Variants in INPP5D observed in about 807,000 individuals in gnomAD.
The protein encoded by INPP5D is inositol polyphosphate-5-phosphatase D, also known as phosphatidylinositol 3,4,5-trisphosphate 5-phosphatase 1.
Under a neutral mutation model 122.9 loss-of-function variants are expected in INPP5D, and 33 were observed. The observed-to-expected ratio is 0.27, with a 90% confidence interval of 0.20 to 0.36. The LOEUF (loss-of-function observed/expected upper bound fraction) is 0.36, where lower values mean the gene tolerates loss of function less well. Ranked by LOEUF, INPP5D falls within the 10% of genes least tolerant of loss-of-function variation. The pLI is 1.00. For missense variants in INPP5D, 1,053 were observed against 1,412.7 expected (o/e 0.75, Z 4.08); for synonymous variants, 584 against 576.2 (o/e 1.01, Z -0.19).
chr2:233,084,936 A>G (rs943338777), intron 2 of INPP5D, among the ~76,000 whole-genome samples: 1 of 152,238 alleles, frequency 6.6e-6, no homozygotes, highest in Non-Finnish European at 1.5e-5. Flanking sequence ...TTTTCTGTCT[A>G]CTGCAGAATA....
intron 5 of INPP5D, 92 bp from the exon 6 acceptor site, chr2:233,139,750 T>C: frequency 2.5e-6 from 1 of 395,162 alleles, no homozygotes; most frequent in Non-Finnish European, 4.5e-6. Context: ...GGACTGAGGG[T>C]GCCCTCATCT....
At chr2:233,086,081 T>A (rs1691823498) in intron 2 of INPP5D, among the ~76,000 whole-genome samples, 1 of 151,768 alleles carries the variant, frequency 6.6e-6, no homozygotes, top group Admixed American at 6.6e-5. Context: ...CTAGTAAAGG[T>A]CTGTTTGTCT....
intron 2 of INPP5D, among the ~76,000 whole-genome samples, chr2:233,102,308 G>A (rs780478348): frequency 3.5e-4 from 54 of 152,184 alleles, no homozygotes; most frequent in Non-Finnish European, 7.1e-4. Context: ...CCATGATGCT[G>A]TAACTGGAGC....
Position 233,105,175 on chromosome 2 carries a change from C to A in INPP5D, c.199-16932C>A, listed in dbSNP as rs1346751535. On this transcript the variant is annotated intron_variant, in intron 2 of 26. Coordinates refer to ENST00000445964, the MANE Select transcript of INPP5D (RefSeq NM_001017915.3). This position sits in a 1 kb window ranked among gnomAD's most constrained non-coding sequence, Gnocchi z 4.0. ...CAGGCTTAGGTCTTTGGCAGCAAAG[C>A]AACAGAGCCCCCAGAAGTGGGGATG... is the stretch of plus-strand genomic sequence containing the variant. 3.9e-5 allele frequency among the ~76,000 whole-genome samples: 6 copies of A among 152,194 alleles called. No individual in the cohort carries two copies. The highest frequency in any genetic ancestry group is 1.4e-4 in the African/African-American group (6 of 41,444).
intron 1 of INPP5D, among the ~76,000 whole-genome samples, chr2:233,077,293 GA>G (rs1461309344): frequency 6.6e-6 from 1 of 152,170 alleles, no homozygotes; most frequent in Non-Finnish European, 1.5e-5. Flanking sequence ...AGTGGGGAAG[GA>G]GATGTTTATT....
intron 22 of INPP5D, among the ~76,000 whole-genome samples, chr2:233,191,308 G>A (rs1695050320): frequency 6.6e-6 from 1 of 152,130 alleles, no homozygotes; most frequent in Non-Finnish European, 1.5e-5. Context: ...TATCACTATT[G>A]AGAAAAGGAT....
intron 3 of INPP5D, 102 bp downstream of exon 3, chr2:233,122,359 A>T: frequency 7.8e-7 from 1 of 1,279,204 alleles, no homozygotes; most frequent in East Asian, 2.5e-5. Flanking sequence ...TCAGAGGGAG[A>T]TTGTTGGCGT....
At chr2:233,161,913 A>G (rs1001861653) in intron 11 of INPP5D, 87 bp downstream of exon 11, 17 of 1,510,038 alleles carry the variant, frequency 1.1e-5, no homozygotes, top group Non-Finnish European at 1.5e-5. Flanking sequence ...TGGAGTGACG[A>G]CATCCATGTC....
chr2:233,175,464 T>C (rs1187031276), intron 17 of INPP5D, among the ~76,000 whole-genome samples: 2 of 152,104 alleles, frequency 1.3e-5, no homozygotes, highest in Non-Finnish European at 2.9e-5. Context: ...ATGCTCACCT[T>C]TAGGAGGCTC....
chr2:233,153,803 G>A (rs1467786965), intron 9 of INPP5D, among the ~76,000 whole-genome samples: 1 of 152,232 alleles, frequency 6.6e-6, no homozygotes, highest in Non-Finnish European at 1.5e-5. Flanking sequence ...AGGCAGGAGA[G>A]CCTACTGAAA....
chr2:233,134,554 T>G (rs540869985), intron 5 of INPP5D, among the ~76,000 whole-genome samples: 1 of 152,128 alleles, frequency 6.6e-6, no homozygotes, highest in Non-Finnish European at 1.5e-5. Flanking sequence ...GATGTCCCCG[T>G]GCGGGTCTGG....
chr2:233,182,578 A>G lies in INPP5D; in HGVS notation c.2161+79A>G. The G allele has an allele frequency of 3.8e-6, 6 of 1,587,508 alleles. No individual in the cohort carries two copies. The East Asian group carries it at 6.9e-5, about 18-fold the overall frequency. On this transcript the variant is annotated intron_variant, in intron 19 of 26. Coordinates refer to ENST00000445964, the MANE Select transcript of INPP5D (RefSeq NM_001017915.3). ...GGGAGCTTGTCTTCAGGTGGCAGTC[A>G]GTGGTCTGCATTAGAGGAAGGCTCA...
intron 4 of INPP5D, among the ~76,000 whole-genome samples, chr2:233,129,198 G>C (rs1693250229): frequency 6.6e-6 from 1 of 151,938 alleles, no homozygotes; most frequent in South Asian, 2.1e-4. Context: ...ATAAATGAAG[G>C]CTTGTAATAA....
intron 2 of INPP5D, among the ~76,000 whole-genome samples, chr2:233,084,846 C>T (rs1279886239): frequency 5.9e-5 from 9 of 152,224 alleles, no homozygotes. Context: ...GGACAATGGG[C>T]CCCAAGGGGG....
At chr2:233,144,353 G>A (rs1044993203) in intron 6 of INPP5D, among the ~76,000 whole-genome samples, 3 of 149,788 alleles carry the variant, frequency 2.0e-5, no homozygotes, top group Non-Finnish European at 4.4e-5. Flanking sequence ...GGAGATGGTG[G>A]TGGTGATGGT....
At chr2:233,156,433 G>A (rs951905990) in intron 9 of INPP5D, among the ~76,000 whole-genome samples, 1 of 152,234 alleles carries the variant, frequency 6.6e-6, no homozygotes, top group Admixed American at 6.5e-5. Context: ...GGGACTACAG[G>A]TGCCCGCCAC....
In INPP5D at chr2:233,169,262, GTCTGTTTGATATTTTGATTCTTCTT is replaced by G; in HGVS notation, c.1556-38_1556-14del. On this transcript the variant is annotated intron_variant, in intron 13 of 26. Coordinates refer to ENST00000445964, the MANE Select transcript of INPP5D (RefSeq NM_001017915.3). The stretch of plus-strand genomic sequence containing the variant: ...TGATTTCTGGCCCCTTGGCAAGTGT[GTCTGTTTGATATTTTGATTCTTCTT>G]TCTGCTCTTCTTTTTAGGGAACAAG... 6.4e-7 allele frequency: 1 copy of G among 1,559,186 alleles called. No homozygotes were observed. Among genetic ancestry groups the G allele is most frequent in the Non-Finnish European group, 8.7e-7 (1 of 1,150,784 alleles).
chr2:233,108,816 A>C (rs201375044), intron 2 of INPP5D, among the ~76,000 whole-genome samples: 2,602 of 152,216 alleles, frequency 0.017, 60 homozygotes, highest in African/African-American at 0.055. Context: ...ACAGGCACTT[A>C]CCCCGGTACC....
At chr2:233,101,811 G>A (rs1178917720) in intron 2 of INPP5D, among the ~76,000 whole-genome samples, 1 of 103,306 alleles carries the variant, frequency 9.7e-6, no homozygotes, top group East Asian at 2.3e-4. Flanking sequence ...TTATTTATAA[G>A]TTAATCAGTT....
Sources: gnomAD v4.1 joint callset for allele counts (sites outside exome capture counted in the v4.1 genomes callset) on GRCh38, gnomAD v4.1.1 for gene constraint, Gnocchi (gnomAD v3.1) non-coding constraint, MANE v1.5 for transcripts, NCBI Gene and HGNC (gene_info 2026-07-23, HGNC 2026-07-21) for gene names.